SLC17A3: variants seen among roughly 807,000 people sequenced by gnomAD.
The protein encoded by SLC17A3 is solute carrier family 17 member 3.
SLC17A3 carries 61 observed loss-of-function variants against 60.3 expected under a neutral mutation model. That is an observed-to-expected ratio of 1.01 (90% CI 0.82 to 1.25). SLC17A3 has a LOEUF of 1.25. Among genes scored for constraint, SLC17A3 ranks in the 50% most tolerant of loss-of-function variants. The pLI, the probability that SLC17A3 is intolerant of heterozygous loss-of-function variation, is 0.00. For synonymous variants in SLC17A3, 192 were observed against 208.9 expected (o/e 0.92, Z 0.70); for missense variants, 624 against 594.9 (o/e 1.05, Z -0.51).
At chr6:25,864,135 G>A (rs936697371) in intron 2 of SLC17A3, among the ~76,000 whole-genome samples, 2 of 151,934 alleles carry the variant, frequency 1.3e-5, no homozygotes, top group Admixed American at 6.6e-5. Flanking sequence ...GTTGGAGAGC[G>A]CCTGGTATGT....
intron 1 of SLC17A3, among the ~76,000 whole-genome samples, chr6:25,869,001 G>A (rs1253628366): frequency 1.3e-5 from 2 of 151,940 alleles, no homozygotes; most frequent in Non-Finnish European, 1.5e-5. Context: ...TTGACTCACT[G>A]TAAGTATCGC....
At chr6:25,852,722 C>T (rs1765299290) in intron 6 of SLC17A3, among the ~76,000 whole-genome samples, 1 of 152,202 alleles carries the variant, frequency 6.6e-6, no homozygotes, top group Non-Finnish European at 1.5e-5. Flanking sequence ...CAGACTTATG[C>T]TATAATGTAG....
chr6:25,861,633 C>A lies in SLC17A3; in HGVS notation c.616G>T (p.Ala206Ser). Residue 206 changes from alanine to serine, a missense_variant, in exon 5 of 13, where the codon GCT (alanine) becomes TCT (serine). Ala to Ser is a moderately conservative substitution (Grantham distance 99, BLOSUM62 1). Transcript: ENST00000397060. ...GATTACATGTCCTTACCTGATAAAG[C>A]AATGCTGCAGAGTCTGCTTCGTTCT... ...PQERSRLCSI[A>S]LSGMLLGCFT... The A allele has an allele frequency of 6.2e-7, 1 of 1,613,826 alleles. No homozygotes were observed. Among genetic ancestry groups the A allele is most frequent in the South Asian group, 1.1e-5 (1 of 91,078 alleles).
chr6:25,873,906 A>G (rs1458359354), intron 1 of SLC17A3, among the ~76,000 whole-genome samples: 1 of 151,926 alleles, frequency 6.6e-6, no homozygotes, highest in Admixed American at 6.6e-5. Context: ...AAGAGTGCCT[A>G]TTTCTTGGAA....
chr6:25,850,916 C>G, intron 6 of SLC17A3, 39 bp from the exon 7 acceptor site: 1 of 1,498,136 alleles, frequency 6.7e-7, no homozygotes, highest in Non-Finnish European at 9.3e-7. Flanking sequence ...GGGCTGTTTT[C>G]TGCTTTTTGG....
intron 11 of SLC17A3, 75 bp from the exon 12 acceptor site, chr6:25,845,591 T>C: frequency 6.5e-7 from 1 of 1,535,686 alleles, no homozygotes; most frequent in Non-Finnish European, 9.0e-7. Flanking sequence ...ATAGTTCAGA[T>C]GACAACATTC....
At chr6:25,865,069 C>G (rs1295429565) in intron 2 of SLC17A3, among the ~76,000 whole-genome samples, 1 of 151,926 alleles carries the variant, frequency 6.6e-6, no homozygotes, top group African/African-American at 2.4e-5. Flanking sequence ...ATGTCAAATC[C>G]TCACAATAAC....
chr6:25,849,359 A>G lies in SLC17A3; in HGVS notation c.1362+15T>C, dbSNP rs369244805. 2.0e-6 allele frequency: 3 copies of G among 1,494,740 alleles called. No individual in the cohort carries two copies. Among genetic ancestry groups the G allele is most frequent in the Non-Finnish European group, 2.8e-6 (3 of 1,072,434 alleles). 92.6% of individuals were successfully genotyped at this position (1,494,740 alleles called of 1,614,324 possible). On this transcript the variant is annotated intron_variant, in intron 11 of 12. Transcript: ENST00000397060. Reference sequence around the variant, plus strand: ...CAGAGCATCTTTGGAGTCCTTCATGACAAAAAAATTGTACCTGACTAAGAA... The same window carrying G: ...CAGAGCATCTTTGGAGTCCTTCATGGCAAAAAAATTGTACCTGACTAAGAA...
At chr6:25,869,236 A>G (rs1765598608) in intron 1 of SLC17A3, among the ~76,000 whole-genome samples, 1 of 151,952 alleles carries the variant, frequency 6.6e-6, no homozygotes, top group East Asian at 1.9e-4. Flanking sequence ...ATGTGTTACT[A>G]TGTGTAGAAT....
chr6:25,849,298 T>C (rs1765229113), intron 11 of SLC17A3, 76 bp downstream of exon 11: 1 of 859,854 alleles, frequency 1.2e-6, no homozygotes, highest in African/African-American at 1.7e-5. Context: ...TTTTCAGTCT[T>C]TGAATACATG....
At chr6:25,851,267 AT>A (rs1765272813) in intron 6 of SLC17A3, among the ~76,000 whole-genome samples, 1 of 120,080 alleles carries the variant, frequency 8.3e-6, no homozygotes, top group Admixed American at 8.2e-5. Flanking sequence ...GTTTTTTATT[AT>A]TGAGTTTTGA....
intron 2 of SLC17A3, among the ~76,000 whole-genome samples, chr6:25,865,785 GCTGT>G (rs1765523629): frequency 6.6e-6 from 1 of 151,944 alleles, no homozygotes; most frequent in African/African-American, 2.4e-5. Context: ...CCAGTGATGT[GCTGT>G]CTGTTAAATT....
chr6:25,872,824 G>T (rs112404092), intron 1 of SLC17A3, among the ~76,000 whole-genome samples: 14 of 151,734 alleles, frequency 9.2e-5, no homozygotes, highest in African/African-American at 3.4e-4. Context: ...ATTCCATACC[G>T]ATCTTCCCAT....
chr6:25,852,094 G>A (rs1372600633), intron 6 of SLC17A3, among the ~76,000 whole-genome samples: 1 of 151,706 alleles, frequency 6.6e-6, no homozygotes, highest in Non-Finnish European at 1.5e-5. Context: ...TAGAATTCCA[G>A]GTTGACAGAT....
intron 6 of SLC17A3, among the ~76,000 whole-genome samples, chr6:25,854,337 C>T (rs1462579454): frequency 6.6e-6 from 1 of 152,186 alleles, no homozygotes; most frequent in Non-Finnish European, 1.5e-5. Flanking sequence ...GGTGCATATA[C>T]ATTTCAGATT....
Position 25,849,930 on chromosome 6 carries a change from G to GA in SLC17A3, c.1145dup (p.Ile383HisfsTer71), listed in dbSNP as rs757628424. The GA allele has an allele frequency of 3.1e-6, 5 of 1,614,062 alleles. No homozygotes were observed. In the South Asian group the frequency reaches 4.4e-5, roughly 14 times the overall value. ...AATTGAGGTAAGGCAGAGACACAAT[G>GA]AGTGCTGAAGAGGGGAGACTTCCTA... On this transcript the variant is annotated frameshift_variant, in exon 10 of 13. Transcript: ENST00000397060. LOFTEE classifies it high-confidence loss of function.
At chr6:25,851,012 C>G in intron 6 of SLC17A3, 135 bp from the exon 7 acceptor site, 1 of 733,254 alleles carries the variant, frequency 1.4e-6, no homozygotes, top group Non-Finnish European at 2.4e-6. Flanking sequence ...ATTTCTGAAA[C>G]AATTCACCCA....
intron 1 of SLC17A3, among the ~76,000 whole-genome samples, chr6:25,871,163 C>T (rs1424606150): frequency 6.6e-6 from 1 of 152,096 alleles, no homozygotes; most frequent in African/African-American, 2.4e-5. Context: ...GATTATAAAA[C>T]ATGCTGCTAT....
At chr6:25,861,553 G>GTTCC in intron 5 of SLC17A3, 71 bp downstream of exon 5, 2 of 1,233,306 alleles carry the variant, frequency 1.6e-6, no homozygotes, top group South Asian at 2.4e-5. Flanking sequence ...ACTATGCAAT[G>GTTCC]AAAAGTTGTC....
Sources: allele counts gnomAD v4.1 joint callset (sites outside exome capture counted in the v4.1 genomes callset), GRCh38; gene constraint gnomAD v4.1.1; transcripts MANE v1.5; gene names NCBI Gene and HGNC (gene_info 2026-07-23, HGNC 2026-07-21).